The following PAG1 variants were observed in gnomAD, a reference collection of about 807,000 sequenced individuals.
PAG1 encodes the protein phosphoprotein membrane anchor with glycosphingolipid microdomains 1.
A neutral mutation model predicts 31.7 loss-of-function variants in PAG1; 23 were observed. The observed-to-expected ratio is 0.73, with a 90% CI of 0.52 to 1.03. The LOEUF is 1.03. Among genes scored for constraint, PAG1 ranks in the 50% least tolerant of loss-of-function variants. The pLI, the probability that PAG1 is intolerant of heterozygous loss-of-function variation, is 0.00. For synonymous variants in PAG1, 214 were observed against 210.3 expected, an observed-to-expected ratio of 1.02 and a Z score of -0.15; for missense variants, 473 against 540.7, an observed-to-expected ratio of 0.87 and a Z score of 1.24.
intron 3 of PAG1, among the ~76,000 whole-genome samples, chr8:81,016,997 C>A (rs970771153): frequency 6.6e-6 from 1 of 152,104 alleles, no homozygotes; most frequent in African/African-American, 2.4e-5. Flanking sequence ...GTGAGAGAGC[C>A]CCACCAAGAT....
chr8:81,075,987 A>G (rs1388818923), intron 1 of PAG1, among the ~76,000 whole-genome samples: 1 of 152,216 alleles, frequency 6.6e-6, no homozygotes, highest in East Asian at 1.9e-4. Flanking sequence ...AGTTACAATA[A>G]TCAATGAAAT....
intron 1 of PAG1, among the ~76,000 whole-genome samples, chr8:81,098,912 A>G (rs1049380996): frequency 5.3e-5 from 8 of 152,234 alleles, no homozygotes; most frequent in African/African-American, 1.7e-4. Flanking sequence ...TTGAAATGCA[A>G]TATCCTGGGA....
At chr8:81,061,145 C>T (rs1483016789) in intron 2 of PAG1, among the ~76,000 whole-genome samples, 7 of 152,102 alleles carry the variant, frequency 4.6e-5, no homozygotes, top group Admixed American at 1.3e-4. Context: ...GGCTGGAAGT[C>T]GGGGGATGAG....
intron 3 of PAG1, among the ~76,000 whole-genome samples, chr8:81,009,509 A>G (rs138799735): frequency 6.6e-6 from 1 of 152,360 alleles, no homozygotes; most frequent in East Asian, 1.9e-4. Context: ...TACCCAGATG[A>G]TAAGATATGA....
At chr8:81,062,256 T>C (rs1372727136) in intron 2 of PAG1, among the ~76,000 whole-genome samples, 1 of 152,268 alleles carries the variant, frequency 6.6e-6, no homozygotes, top group Non-Finnish European at 1.5e-5. Context: ...GGAAGTTCTT[T>C]TGTTAGCAGA....
chr8:80,979,093 T>C (rs1163431287), intron 8 of PAG1, among the ~76,000 whole-genome samples: 2 of 152,266 alleles, frequency 1.3e-5, no homozygotes, highest in African/African-American at 4.8e-5. Flanking sequence ...ATTTTTCCTC[T>C]TTGTCCTAAA....
At chr8:81,099,626 G>C (rs1331829220) in intron 1 of PAG1, among the ~76,000 whole-genome samples, 4 of 152,168 alleles carry the variant, frequency 2.6e-5, no homozygotes, top group African/African-American at 9.7e-5. Context: ...GAAATGTCCA[G>C]AGATTTGCTA....
intron 3 of PAG1, among the ~76,000 whole-genome samples, chr8:80,996,965 C>A (rs1026421868): frequency 1.3e-5 from 2 of 150,818 alleles, no homozygotes; most frequent in African/African-American, 5.0e-5. Flanking sequence ...CCAGACTCTA[C>A]ACTGTGCCAC....
intron 2 of PAG1, among the ~76,000 whole-genome samples, chr8:81,033,652 G>A (rs548202801): frequency 1.5e-4 from 23 of 152,292 alleles, no homozygotes; most frequent in African/African-American, 5.5e-4. Flanking sequence ...GAGGACGGTT[G>A]GTGACTTCTT....
chr8:81,042,036 A>G (rs373783980), intron 2 of PAG1, among the ~76,000 whole-genome samples: 15 of 139,974 alleles, frequency 1.1e-4, no homozygotes, highest in African/African-American at 3.4e-4. Flanking sequence ...TCTGCTTTAT[A>G]AATAAATGAC....
Position 80,993,122 on chromosome 8 carries a change from G to T in PAG1, c.106C>A (p.Leu36Met). ...TCTCACCTGTCACAACTAGAGCACA[G>T]GAAGATGAGGAAGGTGATGACGAAG... The part of the protein sequence containing the change: ...IFFVITFLIF[L>M]CSSCDREKKP... Residue 36 changes from leucine (L) to methionine (M), a missense_variant, in exon 4 of 9, where the codon CTG (leucine) becomes ATG (methionine). By Grantham distance (15) the Leu-to-Met change is conservative. Transcript: ENST00000220597. 1 of 1,613,760 alleles carries T rather than the reference G, an allele frequency of 6.2e-7. No homozygotes were observed. Among genetic ancestry groups the T allele is most frequent in the East Asian group, 2.2e-5 (1 of 44,858 alleles).
chr8:81,044,722 A>G (rs1433985975), intron 2 of PAG1, among the ~76,000 whole-genome samples: 2 of 151,832 alleles, frequency 1.3e-5, no homozygotes, highest in Admixed American at 6.6e-5. Context: ...CCTCCTCACA[A>G]CCTCTCCTGT....
Position 81,074,762 on chromosome 8 carries a change from G to T in PAG1, c.-233-4592C>A, listed in dbSNP as rs545987599. On this transcript the variant is annotated intron_variant, in intron 1 of 8. Transcript: ENST00000220597. ...ACCACTGTCACATCTGCACCATGCT[G>T]GCTCAATTTGCAGGCAACCAGAAGC... is the stretch of plus-strand genomic sequence containing the variant. Among the ~76,000 whole-genome samples, 3 of 152,230 alleles carry T rather than the reference G, an allele frequency of 2.0e-5. No homozygotes were observed. The East Asian group carries it at 5.8e-4, about 29-fold the overall frequency.
chr8:81,082,343 G>T (rs960221147), intron 1 of PAG1, among the ~76,000 whole-genome samples: 2 of 145,966 alleles, frequency 1.4e-5, no homozygotes, highest in Non-Finnish European at 3.0e-5. Flanking sequence ...AAAATAAAAA[G>T]AAAAAAGGAA....
chr8:81,043,560 T>G (rs1344736550), intron 2 of PAG1, among the ~76,000 whole-genome samples: 10 of 152,214 alleles, frequency 6.6e-5, no homozygotes, highest in Non-Finnish European at 1.3e-4. Context: ...CTATAGAACA[T>G]TCAATGAATG....
At chr8:81,088,867 A>G (rs1406372430) in intron 1 of PAG1, among the ~76,000 whole-genome samples, 1 of 152,250 alleles carries the variant, frequency 6.6e-6, no homozygotes, top group Non-Finnish European at 1.5e-5. Flanking sequence ...ATCCTTAAGG[A>G]AAAAAGGCAA....
At chr8:81,002,000 C>A (rs1807793717) in intron 3 of PAG1, among the ~76,000 whole-genome samples, 1 of 152,312 alleles carries the variant, frequency 6.6e-6, no homozygotes, top group Non-Finnish European at 1.5e-5. Context: ...CCATCTGGTA[C>A]ACCCACTGCT....
At chr8:81,056,518 T>C (rs1808825436) in intron 2 of PAG1, among the ~76,000 whole-genome samples, 3 of 152,278 alleles carry the variant, frequency 2.0e-5, no homozygotes, top group Admixed American at 2.0e-4. Flanking sequence ...GCTAGCCATA[T>C]GTAGAAAGCT....
At chr8:81,096,754 A>G (rs1182834932) in intron 1 of PAG1, among the ~76,000 whole-genome samples, 1 of 152,214 alleles carries the variant, frequency 6.6e-6, no homozygotes, top group Non-Finnish European at 1.5e-5. Flanking sequence ...TAGGATGCCC[A>G]GTTAAGAAAG....
Sources: gnomAD v4.1 joint callset for allele counts (sites outside exome capture counted in the v4.1 genomes callset) on GRCh38, gnomAD v4.1.1 for gene constraint, MANE v1.5 for transcripts, NCBI Gene and HGNC (gene_info 2026-07-23, HGNC 2026-07-21) for gene names.